The following TAPBPL variants were observed in gnomAD, a reference collection of about 807,000 sequenced individuals.
The protein encoded by TAPBPL is TAP binding protein like.
Under a neutral mutation model 44.8 loss-of-function variants are expected in TAPBPL, and 32 were observed. The observed-to-expected ratio is 0.71, with a 90% confidence interval of 0.54 to 0.96. The LOEUF (loss-of-function observed/expected upper bound fraction) is 0.96. Among genes scored for constraint, TAPBPL ranks in the 40% least tolerant of loss-of-function variants. The pLI, the probability that TAPBPL is intolerant of heterozygous loss-of-function variation, is 0.00. For synonymous variants in TAPBPL, 230 were observed against 240.7 expected, an observed-to-expected ratio of 0.96 and a Z score of 0.41; for missense variants, 520 against 586.6, an observed-to-expected ratio of 0.89 and a Z score of 1.17.
chr12:6,462,975 C>T (rs570943781), downstream of TAPBPL: 12 of 1,551,844 alleles, frequency 7.7e-6, no homozygotes, highest in African/African-American at 2.7e-5. Context: ...TCTTCCTGTT[C>T]GTGGACCGAG....
At position 6,453,833 on chromosome 12, in the gene TAPBPL, C is replaced by T; in HGVS notation, c.565+117C>T. 7.6e-6 allele frequency: 10 copies of T among 1,311,156 alleles called. No individual in the cohort carries two copies. In the South Asian group the frequency reaches 1.6e-4, roughly 20 times the overall value. The allele number at this position is 1,311,156 out of a possible 1,614,324, so 81.2% of individuals were successfully genotyped here. A position where few individuals can be genotyped will look rare whatever the true frequency, so the allele number is the denominator to read the frequency against. ...AGGAGTTTGAGATCAGCCTGGTCAA[C>T]ACGGTGAAACCCCGTCTCTACTAAT... On this transcript the variant is annotated intron_variant, in intron 3 of 6. Coordinates refer to ENST00000266556, the MANE Select transcript of TAPBPL (RefSeq NM_018009.5). The surrounding 1 kb of genome is among the most constrained non-coding windows in gnomAD (Gnocchi z 4.8).
At chr12:6,458,129 T>C (rs1168453873) in intron 4 of TAPBPL, among the ~76,000 whole-genome samples, 4 of 152,206 alleles carry the variant, frequency 2.6e-5, no homozygotes, top group Non-Finnish European at 5.9e-5. Context: ...GGCTCACACC[T>C]ATAATCCCAG....
downstream of TAPBPL, chr12:6,463,715 G>C (rs865953945): frequency 1.7e-6 from 2 of 1,151,050 alleles, no homozygotes; most frequent in African/African-American, 3.3e-5. This position sits in a 1 kb window ranked among gnomAD's most constrained non-coding sequence, Gnocchi z 4.0. Flanking sequence ...CATACAGAAT[G>C]CTGTAGAAAA....
chr12:6,465,944 C>A (rs985285542), downstream of TAPBPL: 1 of 1,614,142 alleles, frequency 6.2e-7, no homozygotes, highest in Non-Finnish European at 8.5e-7. Flanking sequence ...CCAGCTCTGA[C>A]AGCTTCTGGT....
chr12:6,466,518 A>C, downstream of TAPBPL: 1 of 607,534 alleles, frequency 1.6e-6, no homozygotes, highest in South Asian at 2.3e-5. Context: ...CCCCATCTCT[A>C]AAAAAACAGA....
At chr12:6,462,502 A>G (rs1949901557), downstream of TAPBPL, 1 of 499,770 alleles carries the variant, frequency 2.0e-6, no homozygotes, top group East Asian at 3.2e-5. Flanking sequence ...TTGCTCATGC[A>G]CATGGGTGGT....
At chr12:6,462,560 G>T (rs149985900), downstream of TAPBPL, 307 of 553,578 alleles carry the variant, frequency 5.5e-4, 5 homozygotes, top group South Asian at 5.8e-3. Flanking sequence ...GTACAGGGTG[G>T]GTGAGAAAGA....
chr12:6,466,314 C>G, downstream of TAPBPL: 1 of 1,614,074 alleles, frequency 6.2e-7, no homozygotes, highest in African/African-American at 1.3e-5. Flanking sequence ...GGGGCAGTCC[C>G]TTCTGTCCCT....
chr12:6,466,331 G>C (rs1950024608), downstream of TAPBPL: 2 of 1,613,860 alleles, frequency 1.2e-6, no homozygotes, highest in Non-Finnish European at 1.7e-6. Context: ...CCCTTCAGCA[G>C]GTGGCTGAGC....
chr12:6,452,977 G>GA (rs1949597507), intron 1 of TAPBPL, 90 bp from the exon 2 acceptor site: 30 of 1,318,670 alleles, frequency 2.3e-5, no homozygotes, highest in Middle Eastern at 5.2e-4. Context: ...TTTACCCTTT[G>GA]ATGACTCCAC....
chr12:6,456,029 G>A, intron 3 of TAPBPL, among the ~76,000 whole-genome samples: 1 of 152,076 alleles, frequency 6.6e-6, no homozygotes, highest in East Asian at 1.9e-4. Flanking sequence ...CAAAGTGTTG[G>A]GATTACAGGC....
downstream of TAPBPL, chr12:6,465,374 A>ATG (rs1949982524): frequency 1.1e-5 from 1 of 94,420 alleles, no homozygotes; most frequent in Non-Finnish European, 2.2e-5. Flanking sequence ...ATATATATAA[A>ATG]TGTATATATA....
Position 6,458,894 on chromosome 12 carries a change from C to T in TAPBPL, c.1154C>T (p.Thr385Ile). ...SAGATYTCQV[T>I]HISLEEPLGA... The stretch of plus-strand genomic sequence containing the variant: ...GGTGCCACTTACACCTGCCAGGTCA[C>T]ACACATCTCTCTGGAGGAGCCCCTT... Residue 385 changes from threonine to isoleucine, a missense_variant, in exon 5 of 7, where the codon ACA becomes ATA. Thr to Ile is a moderately conservative substitution (Grantham distance 89). Coordinates refer to ENST00000266556, the MANE Select transcript of TAPBPL (RefSeq NM_018009.5). The T allele has an allele frequency of 1.2e-6, 2 of 1,614,202 alleles. No homozygotes were observed. The highest frequency in any genetic ancestry group is 1.7e-6 in the Non-Finnish European group (2 of 1,180,038).
upstream of TAPBPL, chr12:6,451,975 C>G (rs1949556584): frequency 1.9e-6 from 1 of 525,432 alleles, no homozygotes; most frequent in South Asian, 2.0e-5. Context: ...TTGAAATCAC[C>G]AGGGGATTTC....
At chr12:6,463,704 T>C, downstream of TAPBPL, 1 of 1,137,524 alleles carries the variant, frequency 8.8e-7, no homozygotes, top group Non-Finnish European at 1.1e-6. This position sits in a 1 kb window ranked among gnomAD's most constrained non-coding sequence, Gnocchi z 4.0. Context: ...TTTGGTGCCC[T>C]CATACAGAAT....
At chr12:6,458,569 GGAA>G (rs1949761507) in intron 4 of TAPBPL, 73 bp from the exon 5 acceptor site, 2 of 1,533,776 alleles carry the variant, frequency 1.3e-6, no homozygotes, top group Non-Finnish European at 8.8e-7. Flanking sequence ...CATCTTGGCA[GGAA>G]GAAAAGGCTT....
intron 1 of TAPBPL, 149 bp downstream of exon 1, chr12:6,452,461 AAAGG>A: frequency 6.9e-7 from 1 of 1,452,576 alleles, no homozygotes; most frequent in Non-Finnish European, 9.1e-7. Flanking sequence ...AGCGGCTGGC[AAAGG>A]AAGGAACCAA....
downstream of TAPBPL, among the ~76,000 whole-genome samples, chr12:6,470,246 A>G (rs1471655086): frequency 6.6e-6 from 1 of 151,506 alleles, no homozygotes; most frequent in African/African-American, 2.4e-5. Context: ...AGTCTCCACT[A>G]TACCAAAACC....
At chr12:6,463,643 G>C (rs1403995074), downstream of TAPBPL, 43 of 1,084,690 alleles carry the variant, frequency 4.0e-5, no homozygotes, top group Non-Finnish European at 4.7e-5. This position sits in a 1 kb window ranked among gnomAD's most constrained non-coding sequence, Gnocchi z 4.0. Context: ...AATTAACTGG[G>C]AGCTAGGTTA....
Sources: allele counts gnomAD v4.1 joint callset (sites outside exome capture counted in the v4.1 genomes callset), GRCh38; gene constraint gnomAD v4.1.1; non-coding constraint Gnocchi (gnomAD v3.1); transcripts MANE v1.5; gene names NCBI Gene and HGNC (gene_info 2026-07-23, HGNC 2026-07-21).